PIP4K2A: variants seen among roughly 807,000 people sequenced by gnomAD.
PIP4K2A encodes phosphatidylinositol 5-phosphate 4-kinase type-2 alpha.
Under a neutral mutation model 42.9 loss-of-function variants are expected in PIP4K2A, and 14 were observed. The ratio of observed to expected loss-of-function variants is 0.33; its 90% CI spans 0.22 to 0.51. PIP4K2A has a LOEUF of 0.51. PIP4K2A is among the 20% of genes least tolerant of loss of function. The pLI is 0.97. For synonymous variants in PIP4K2A, 192 were observed against 192.2 expected (o/e 1.00, Z 0.01); for missense variants, 434 against 519.8 (o/e 0.83, Z 1.61).
intron 1 of PIP4K2A, among the ~76,000 whole-genome samples, chr10:22,681,368 T>G (rs1044353927): frequency 5.9e-5 from 9 of 152,230 alleles, no homozygotes; most frequent in African/African-American, 2.2e-4. Context: ...CTGAGCCACC[T>G]GGCTTCTCAA....
At chr10:22,580,833 G>A (rs1275879040) in intron 4 of PIP4K2A, among the ~76,000 whole-genome samples, 6 of 152,288 alleles carry the variant, frequency 3.9e-5, no homozygotes, top group South Asian at 2.1e-4. Context: ...GCAAAAGGAC[G>A]TCATCAACAC....
chr10:22,600,127 C>T (rs1837722992), intron 3 of PIP4K2A, among the ~76,000 whole-genome samples: 1 of 151,416 alleles, frequency 6.6e-6, no homozygotes, highest in Non-Finnish European at 1.5e-5. Flanking sequence ...CTTTTCCCTG[C>T]ATTTTTTAAA....
chr10:22,601,292 T>G (rs143654975), intron 3 of PIP4K2A, among the ~76,000 whole-genome samples: 1 of 151,892 alleles, frequency 6.6e-6, no homozygotes, highest in Non-Finnish European at 1.5e-5. Flanking sequence ...CAAAGCAGGT[T>G]TGAGGCGGGA....
chr10:22,696,205 T>C (rs11013105), intron 1 of PIP4K2A, among the ~76,000 whole-genome samples: 28,200 of 152,182 alleles, frequency 0.19, 2,987 homozygotes, highest in African/African-American at 0.28. Context: ...ATGTCAACAT[T>C]GTATTTTATT....
intron 1 of PIP4K2A, among the ~76,000 whole-genome samples, chr10:22,708,757 T>A (rs1406558306): frequency 6.6e-6 from 1 of 152,132 alleles, no homozygotes; most frequent in East Asian, 1.9e-4. Flanking sequence ...TCCCAACAGA[T>A]CTGCTGAATT....
intron 1 of PIP4K2A, among the ~76,000 whole-genome samples, chr10:22,699,182 C>G (rs1269001718): frequency 3.3e-5 from 5 of 152,120 alleles, no homozygotes; most frequent in Non-Finnish European, 1.5e-5. Context: ...ATTTCAGAAA[C>G]AATATCTGTT....
intron 6 of PIP4K2A, among the ~76,000 whole-genome samples, chr10:22,565,009 C>T (rs901349745): frequency 6.6e-6 from 1 of 152,228 alleles, no homozygotes; most frequent in Admixed American, 6.5e-5. Context: ...TTCCACGAAG[C>T]AGTTCTTACA....
intron 3 of PIP4K2A, among the ~76,000 whole-genome samples, chr10:22,603,001 C>G (rs1243797046): frequency 1.3e-5 from 2 of 152,158 alleles, no homozygotes; most frequent in African/African-American, 2.4e-5. Context: ...ACTTGATATT[C>G]TAGAGATAAA....
At chr10:22,624,427 A>G (rs1218343056) in intron 1 of PIP4K2A, among the ~76,000 whole-genome samples, 1 of 152,252 alleles carries the variant, frequency 6.6e-6, no homozygotes, top group Non-Finnish European at 1.5e-5. Context: ...TACACAGCCT[A>G]TGAAGTTTGC....
intron 1 of PIP4K2A, among the ~76,000 whole-genome samples, chr10:22,619,123 T>C (rs1156759260): frequency 6.6e-6 from 1 of 152,094 alleles, no homozygotes; most frequent in Non-Finnish European, 1.5e-5. Flanking sequence ...TTGGAAATAA[T>C]TTTTATAATA....
chr10:22,642,165 C>G (rs1287077417), intron 1 of PIP4K2A: 2 of 152,234 alleles, frequency 1.3e-5, no homozygotes, highest in African/African-American at 4.8e-5. Context: ...TCAGCCACAT[C>G]CCTTGCTCCA....
intron 6 of PIP4K2A, among the ~76,000 whole-genome samples, chr10:22,564,668 T>C (rs1437205354): frequency 6.6e-6 from 1 of 152,242 alleles, no homozygotes; most frequent in Non-Finnish European, 1.5e-5. Context: ...CTGCCTCTTC[T>C]GGCCAAAGCC....
intron 6 of PIP4K2A, among the ~76,000 whole-genome samples, chr10:22,560,611 G>A (rs1201918589): frequency 6.6e-6 from 1 of 152,206 alleles, no homozygotes; most frequent in African/African-American, 2.4e-5. Context: ...CATTATCAAA[G>A]TGTCAACAAT....
intron 1 of PIP4K2A, among the ~76,000 whole-genome samples, chr10:22,675,928 C>G (rs1188876610): frequency 6.6e-6 from 1 of 152,188 alleles, no homozygotes; most frequent in Non-Finnish European, 1.5e-5. Flanking sequence ...ATTTCCTATT[C>G]CTTAAATACT....
chr10:22,689,055 TAGC>T (rs1388678717), intron 1 of PIP4K2A, among the ~76,000 whole-genome samples: 1 of 152,196 alleles, frequency 6.6e-6, no homozygotes, highest in African/African-American at 2.4e-5. Flanking sequence ...TCTTCTTCCT[TAGC>T]AGATTTTTCT....
At chr10:22,693,970 C>T (rs887147828) in intron 1 of PIP4K2A, 1 of 152,030 alleles carries the variant, frequency 6.6e-6, no homozygotes, top group Non-Finnish European at 1.5e-5. Flanking sequence ...GCGGAGCCCT[C>T]GGATTAAAGC....
intron 1 of PIP4K2A, among the ~76,000 whole-genome samples, chr10:22,708,508 C>T (rs1833859082): frequency 6.6e-6 from 1 of 152,180 alleles, no homozygotes; most frequent in South Asian, 2.1e-4. Context: ...CCACCATCAC[C>T]TGCAATTCCA....
At chr10:22,682,398 G>C (rs973904207) in intron 1 of PIP4K2A, among the ~76,000 whole-genome samples, 1 of 152,106 alleles carries the variant, frequency 6.6e-6, no homozygotes, top group Non-Finnish European at 1.5e-5. Context: ...TTATTTTCTA[G>C]AAAAGGCCAG....
chr10:22,586,534 CTTT>C (rs902891720), intron 4 of PIP4K2A, among the ~76,000 whole-genome samples: 24 of 152,260 alleles, frequency 1.6e-4, no homozygotes, highest in Middle Eastern at 3.4e-3. Flanking sequence ...TTTAGCACTT[CTTT>C]TTCTTTTTTT....
Sources: allele counts gnomAD v4.1 joint callset (sites outside exome capture counted in the v4.1 genomes callset), GRCh38; gene constraint gnomAD v4.1.1; transcripts MANE v1.5; gene names NCBI Gene and HGNC (gene_info 2026-07-23, HGNC 2026-07-21).